FADS2: variants seen among roughly 807,000 people sequenced by gnomAD.
The protein encoded by FADS2 is acyl-CoA 6-desaturase.
A neutral mutation model predicts 61.2 loss-of-function variants in FADS2; 18 were observed. That is an observed-to-expected ratio of 0.29 (90% CI 0.20 to 0.44). The LOEUF (loss-of-function observed/expected upper bound fraction) is 0.44, where lower values mean the gene tolerates loss of function less well. FADS2 is among the 20% of genes least tolerant of loss of function. The pLI, the probability that FADS2 is intolerant of heterozygous loss-of-function variation, is 1.00. For synonymous variants in FADS2, 203 were observed against 223.9 expected, an observed-to-expected ratio of 0.91 and a Z score of 0.83; for missense variants, 322 against 572.7, an observed-to-expected ratio of 0.56 and a Z score of 4.47.
At chr11:61,861,837 A>C (rs1176593451) in intron 7 of FADS2, 1 of 152,110 alleles carries the variant, frequency 6.6e-6, no homozygotes, top group Admixed American at 6.6e-5. Flanking sequence ...GGAATCTGTC[A>C]CCTCCTTGTC....
intron 7 of FADS2, among the ~76,000 whole-genome samples, chr11:61,861,054 A>T (rs2067409723): frequency 6.6e-6 from 1 of 151,564 alleles, no homozygotes; most frequent in South Asian, 2.1e-4. Flanking sequence ...TAAAAACTTA[A>T]AAAAAATTAT....
Position 61,865,047 on chromosome 11 carries a change from G to C in FADS2, c.1158-105G>C. ...TTGAGACTGGTCCTGGCTGTGGACA[G>C]GGTCTCTGAGGGCCCCAGCCAGCCT... On this transcript the variant is annotated intron_variant, in intron 10 of 11. Coordinates refer to ENST00000278840, the MANE Select transcript of FADS2 (RefSeq NM_004265.4). The surrounding 1 kb of genome is among the most constrained non-coding windows in gnomAD (Gnocchi z 4.1). The C allele has an allele frequency of 7.4e-7, 1 of 1,353,552 alleles. No individual in the cohort carries two copies. Among genetic ancestry groups the C allele is most frequent in the South Asian group, 1.3e-5 (1 of 75,828 alleles). 83.8% of individuals were successfully genotyped at this position (1,353,552 alleles called of 1,614,324 possible).
chr11:61,816,651 T>G lies in FADS2; in HGVS notation c.141+225T>G. The G allele has an allele frequency of 6.2e-7, 1 of 1,602,158 alleles. No homozygotes were observed. Among genetic ancestry groups the G allele is most frequent in the Non-Finnish European group, 8.5e-7 (1 of 1,175,230 alleles). ...TGTTGTACACCTTACGGTCGATCAC[T>G]AGCCACCGCTCCTCGCACCCTGAGC... is the stretch of plus-strand genomic sequence containing the variant. On this transcript the variant is annotated intron_variant, in intron 1 of 11. Coordinates refer to the FADS2 transcript ENST00000257261. This position sits in a 1 kb window ranked among gnomAD's most constrained non-coding sequence, Gnocchi z 7.0.
Position 61,828,810 on chromosome 11 carries a change from G to A in FADS2, c.207+213G>A. The A allele has an allele frequency of 1.8e-6, 1 of 563,668 alleles. No homozygotes were observed. The highest frequency in any genetic ancestry group is 3.2e-6 in the Non-Finnish European group (1 of 317,020). 34.9% of individuals were successfully genotyped at this position (563,668 alleles called of 1,614,324 possible). ...GGAGACCGGATCTGGGACCCGGGGA[G>A]GCGGCGCTGCGGTGAAAGTCCCAGC... On this transcript the variant is annotated intron_variant, in intron 1 of 11. Transcript: ENST00000278840. This position sits in a 1 kb window ranked among gnomAD's most constrained non-coding sequence, Gnocchi z 6.4.
intron 5 of FADS2, chr11:61,854,120 C>T (rs2067334579): frequency 1.3e-5 from 2 of 152,474 alleles, no homozygotes; most frequent in South Asian, 2.1e-4. Flanking sequence ...CCACCCACAC[C>T]CTTGGCCGCA....
At chr11:61,857,659 G>A in intron 7 of FADS2, 129 bp downstream of exon 7, 1 of 721,606 alleles carries the variant, frequency 1.4e-6, no homozygotes, top group Non-Finnish European at 2.5e-6. Context: ...TCCTCCCTGG[G>A]GTAGCTGCCT....
chr11:61,824,499 A>AGAGAGAG (rs1565325446), upstream of FADS2, among the ~76,000 whole-genome samples: 3 of 9,720 alleles, frequency 3.1e-4, no homozygotes, highest in African/African-American at 4.4e-4. Context: ...AGAAAGAAAG[A>AGAGAGAG]AAGGAAAGAA....
intron 4 of FADS2, among the ~76,000 whole-genome samples, chr11:61,845,295 C>T (rs1346151930): frequency 6.6e-6 from 1 of 152,074 alleles, no homozygotes; most frequent in Non-Finnish European, 1.5e-5. Context: ...TGAGGCCAGA[C>T]CCTCCCTCGC....
chr11:61,821,346 C>T, intron 1 of FADS2: 1 of 696,988 alleles, frequency 1.4e-6, no homozygotes, highest in South Asian at 1.5e-5. Flanking sequence ...ATAGTGAGAC[C>T]CCTTCCTAAC....
chr11:61,864,645 T>C (rs1397080674), intron 10 of FADS2, among the ~76,000 whole-genome samples: 1 of 152,192 alleles, frequency 6.6e-6, no homozygotes, highest in Non-Finnish European at 1.5e-5. Flanking sequence ...TCCACCTGCG[T>C]TGGCCTCCCA....
In FADS2 at chr11:61,816,754, G is replaced by A. The variant is rs2066988482; in HGVS notation, c.141+328G>A. 8 of 1,542,238 alleles carry A rather than the reference G, an allele frequency of 5.2e-6. No individual in the cohort carries two copies. Among genetic ancestry groups the A allele is most frequent in the Non-Finnish European group, 7.0e-6 (8 of 1,145,726 alleles). On this transcript the variant is annotated intron_variant, in intron 1 of 11. Transcript: ENST00000257261. This position sits in a 1 kb window ranked among gnomAD's most constrained non-coding sequence, Gnocchi z 7.0. The stretch of plus-strand genomic sequence containing the variant: ...GGTCTCGGCGGCCACCGGGTCGGGG[G>A]CCATAGCTGGCCTGGCGACGCCGCG...
chr11:61,861,365 A>AAAAAAAAAAAAAC (rs1555078418), intron 7 of FADS2, among the ~76,000 whole-genome samples: 2 of 130,788 alleles, frequency 1.5e-5, no homozygotes, highest in African/African-American at 5.9e-5. Context: ...AAAAAAAAAA[A>AAAAAAAAAAAAAC]AAAAAACAGA....
At chr11:61,826,065 C>A, upstream of FADS2, 2 of 702,600 alleles carry the variant, frequency 2.8e-6, no homozygotes, top group East Asian at 5.4e-5. Context: ...GCCCCAGCCT[C>A]TGGAGTTATC....
intron 8 of FADS2, 106 bp downstream of exon 8, chr11:61,863,175 T>C: frequency 7.0e-7 from 1 of 1,431,192 alleles, no homozygotes. Context: ...GGACCTCCCA[T>C]CCTGGCCCCT....
intron 1 of FADS2, among the ~76,000 whole-genome samples, chr11:61,831,078 C>A (rs2067124595): frequency 6.6e-6 from 1 of 152,000 alleles, no homozygotes; most frequent in South Asian, 2.1e-4. Context: ...GAGTGAGCAG[C>A]TGGGTTCTCT....
chr11:61,824,591 C>T (rs2067068069), upstream of FADS2, among the ~76,000 whole-genome samples: 1 of 152,082 alleles, frequency 6.6e-6, no homozygotes, highest in Admixed American at 6.5e-5. Context: ...TCTAACATCA[C>T]ATGGTAGGTA....
intron 5 of FADS2, among the ~76,000 whole-genome samples, chr11:61,853,563 C>G (rs1400620193): frequency 6.6e-6 from 1 of 151,958 alleles, no homozygotes; most frequent in African/African-American, 2.4e-5. Flanking sequence ...CCTCAGAAGC[C>G]GTGCGGTGCC....
At chr11:61,825,692 A>G (rs2067079158), upstream of FADS2, among the ~76,000 whole-genome samples, 1 of 151,426 alleles carries the variant, frequency 6.6e-6, no homozygotes, top group Non-Finnish European at 1.5e-5. Flanking sequence ...GGAGATCGAG[A>G]CCATCCTGGC....
At chr11:61,822,225 T>C (rs532385462) in intron 1 of FADS2, among the ~76,000 whole-genome samples, 1 of 152,316 alleles carries the variant, frequency 6.6e-6, no homozygotes, top group Admixed American at 6.5e-5. Context: ...CGCCTCAGAC[T>C]CCCAAAGTGC....
Sources: allele counts gnomAD v4.1 joint callset (sites outside exome capture counted in the v4.1 genomes callset), GRCh38; gene constraint gnomAD v4.1.1; non-coding constraint Gnocchi (gnomAD v3.1); transcripts MANE v1.5; gene names NCBI Gene and HGNC (gene_info 2026-07-23, HGNC 2026-07-21).